PLCL1: variants seen among roughly 807,000 people sequenced by gnomAD.
PLCL1 encodes inactive phospholipase C-like protein 1.
A neutral mutation model predicts 84.4 loss-of-function variants in PLCL1; 41 were observed. The observed-to-expected ratio is 0.49, with a 90% CI of 0.38 to 0.63. The LOEUF (loss-of-function observed/expected upper bound fraction) is 0.63. Ranked by LOEUF, PLCL1 falls within the 30% of genes least tolerant of loss-of-function variation. The pLI is 0.00. For missense variants in PLCL1, 1,206 were observed against 1,367.8 expected (o/e 0.88, Z 1.87); for synonymous variants, 490 against 488.3 (o/e 1.00, Z -0.05).
At chr2:197,983,994 T>C (rs1196150400) in intron 1 of PLCL1, among the ~76,000 whole-genome samples, 1 of 152,224 alleles carries the variant, frequency 6.6e-6, no homozygotes, top group Non-Finnish European at 1.5e-5. Context: ...CCATATGCCT[T>C]CAAGGGAAGC....
intron 1 of PLCL1, among the ~76,000 whole-genome samples, chr2:198,050,094 C>T (rs71422667): frequency 0.025 from 3,734 of 152,200 alleles, 82 homozygotes; most frequent in Non-Finnish European, 0.036. Context: ...GGTGAGGTTT[C>T]GTGAGTTGGA....
intron 1 of PLCL1, among the ~76,000 whole-genome samples, chr2:197,828,783 A>G (rs1160835532): frequency 1.3e-5 from 2 of 152,164 alleles, no homozygotes; most frequent in Non-Finnish European, 2.9e-5. Context: ...CCCCTTAGGA[A>G]ACATATCAAG....
At position 198,084,467 on chromosome 2, in the gene PLCL1, A is replaced by T; in HGVS notation, c.950A>T (p.Tyr317Phe). ...FCELCTRPEV[Y>F]FLLVQISKNK... ...GAACTTTGCACCAGGCCAGAAGTGTATTTCTTACTTGTACAGATATCTAAA... is the reference window on the plus strand; with the variant it reads ...GAACTTTGCACCAGGCCAGAAGTGTTTTTCTTACTTGTACAGATATCTAAA... The change falls in exon 2 of 6, where the codon TAT (tyrosine) becomes TTT (phenylalanine). Residue 317 changes from tyrosine to phenylalanine, a missense_variant. By Grantham distance (22) the Tyr-to-Phe change is conservative. Coordinates refer to ENST00000428675, the MANE Select transcript of PLCL1 (RefSeq NM_006226.4). The T allele has an allele frequency of 6.2e-7, 1 of 1,614,022 alleles. No individual in the cohort carries two copies. Among genetic ancestry groups the T allele is most frequent in the Non-Finnish European group, 8.5e-7 (1 of 1,179,884 alleles).
At chr2:198,143,239 G>A (rs1694430517) in intron 5 of PLCL1, among the ~76,000 whole-genome samples, 1 of 152,112 alleles carries the variant, frequency 6.6e-6, no homozygotes, top group African/African-American at 2.4e-5. Context: ...ATTCTCATAA[G>A]GAATACACAA....
intron 5 of PLCL1, among the ~76,000 whole-genome samples, chr2:198,107,287 C>A (rs953485804): frequency 6.6e-6 from 1 of 151,814 alleles, no homozygotes; most frequent in Non-Finnish European, 1.5e-5. Flanking sequence ...TACCTCCCAC[C>A]AGGTCCCTCC....
intron 1 of PLCL1, among the ~76,000 whole-genome samples, chr2:197,901,280 A>G (rs1574939569): frequency 6.6e-6 from 1 of 152,296 alleles, no homozygotes; most frequent in South Asian, 2.1e-4. Context: ...AGGCATAGGA[A>G]GTTAACTAAG....
At chr2:198,066,290 G>C (rs1446814997) in intron 1 of PLCL1, among the ~76,000 whole-genome samples, 2 of 152,092 alleles carry the variant, frequency 1.3e-5, no homozygotes, top group African/African-American at 4.8e-5. Flanking sequence ...TTAGGATCTA[G>C]TTCCTTATTT....
intron 1 of PLCL1, among the ~76,000 whole-genome samples, chr2:197,978,865 A>G (rs1690043999): frequency 6.6e-6 from 1 of 152,200 alleles, no homozygotes; most frequent in Non-Finnish European, 1.5e-5. Context: ...ATGTGGGAGG[A>G]AACTGGAATA....
rs1280660179 is a variant in PLCL1, at chr2:197,805,282, C to T, written c.183C>T (p.Ser61=). Residue 61 remains serine (S), a synonymous_variant, in exon 1 of 6, where the codon AGC becomes AGT. Transcript: ENST00000428675. This position sits in a 1 kb window ranked among gnomAD's most constrained non-coding sequence, Gnocchi z 4.0. Reference sequence around the variant, plus strand: ...GCGCCGCGGGGACCCCAGCGGACAGCGAGGCGGGCCTCCTGGAGGCAGCAC... The same window carrying T: ...GCGCCGCGGGGACCCCAGCGGACAGTGAGGCGGGCCTCCTGGAGGCAGCAC... The part of the protein sequence containing the change: ...LPGAAGTPAD[S]EAGLLEAARA... 1.6e-6 allele frequency: 2 copies of T among 1,285,160 alleles called. No individual in the cohort carries two copies. Among genetic ancestry groups the T allele is most frequent in the East Asian group, 3.1e-5 (1 of 31,964 alleles). The allele number at this position is 1,285,160 out of a possible 1,614,324, so 79.6% of individuals were successfully genotyped here. A position where few individuals can be genotyped will look rare whatever the true frequency, so the allele number is the denominator to read the frequency against.
chr2:197,931,434 A>G (rs1688928908), intron 1 of PLCL1, among the ~76,000 whole-genome samples: 1 of 152,178 alleles, frequency 6.6e-6, no homozygotes, highest in South Asian at 2.1e-4. Context: ...GTAACAACTT[A>G]TAAGGCAGTC....
At chr2:198,039,832 T>A (rs999410217) in intron 1 of PLCL1, among the ~76,000 whole-genome samples, 1 of 152,222 alleles carries the variant, frequency 6.6e-6, no homozygotes, top group East Asian at 1.9e-4. Flanking sequence ...GATGAGATAG[T>A]TCTCTGCAAG....
At chr2:197,899,697 G>T (rs1013107038) in intron 1 of PLCL1, among the ~76,000 whole-genome samples, 1 of 146,434 alleles carries the variant, frequency 6.8e-6, no homozygotes, top group Admixed American at 6.9e-5. Flanking sequence ...GTGCAGTGGC[G>T]CGATCTCGGC....
At chr2:198,052,873 C>T (rs531973534) in intron 1 of PLCL1, among the ~76,000 whole-genome samples, 22 of 152,270 alleles carry the variant, frequency 1.4e-4, no homozygotes, top group African/African-American at 4.1e-4. Flanking sequence ...CCCTTCATTC[C>T]TAGCCTGGAA....
At chr2:198,131,206 A>G (rs183858272) in intron 5 of PLCL1, among the ~76,000 whole-genome samples, 7 of 152,150 alleles carry the variant, frequency 4.6e-5, no homozygotes, top group African/African-American at 1.7e-4. Flanking sequence ...GGGAGCCCCC[A>G]TCCTGTTGTT....
At chr2:197,890,746 A>C (rs1688004902) in intron 1 of PLCL1, among the ~76,000 whole-genome samples, 1 of 146,638 alleles carries the variant, frequency 6.8e-6, no homozygotes, top group Non-Finnish European at 1.5e-5. Context: ...GTATATATGT[A>C]TACGTATGTA....
At chr2:197,901,155 G>T (rs1688258422) in intron 1 of PLCL1, among the ~76,000 whole-genome samples, 1 of 152,188 alleles carries the variant, frequency 6.6e-6, no homozygotes, top group African/African-American at 2.4e-5. Context: ...ACAGACAATA[G>T]AAGTGAAGCT....
At chr2:197,932,559 C>T (rs1251780606) in intron 1 of PLCL1, among the ~76,000 whole-genome samples, 1 of 152,086 alleles carries the variant, frequency 6.6e-6, no homozygotes, top group Non-Finnish European at 1.5e-5. Flanking sequence ...GTGCTGTTCC[C>T]CTCCCTGTGT....
At chr2:198,007,564 A>G (rs1690757897) in intron 1 of PLCL1, among the ~76,000 whole-genome samples, 1 of 152,228 alleles carries the variant, frequency 6.6e-6, no homozygotes, top group African/African-American at 2.4e-5. Flanking sequence ...GAAACAGTGT[A>G]AAGAAATGAT....
chr2:198,094,148 G>C (rs559555744), intron 3 of PLCL1, among the ~76,000 whole-genome samples: 7 of 152,024 alleles, frequency 4.6e-5, no homozygotes, highest in Non-Finnish European at 1.0e-4. Flanking sequence ...TGCAAGCTCC[G>C]CCTCCTGGGT....
Sources: allele counts gnomAD v4.1 joint callset (sites outside exome capture counted in the v4.1 genomes callset), GRCh38; gene constraint gnomAD v4.1.1; non-coding constraint Gnocchi (gnomAD v3.1); transcripts MANE v1.5; gene names NCBI Gene and HGNC (gene_info 2026-07-23, HGNC 2026-07-21).